Variants in VPS13A observed in about 807,000 individuals in gnomAD.
The protein encoded by VPS13A is intermembrane lipid transfer protein VPS13A.
VPS13A carries 264 observed loss-of-function variants against 390.9 expected under a neutral mutation model. That is an observed-to-expected ratio of 0.68 (90% CI 0.61 to 0.75). The LOEUF is 0.75. Ranked by LOEUF, VPS13A falls within the 30% of genes least tolerant of loss-of-function variation. The probability of loss-of-function intolerance (pLI) is 0.00; values close to 1 mark genes in which losing one functional copy is unlikely to be tolerated. For synonymous variants in VPS13A, 1,231 were observed against 1,227.1 expected, an observed-to-expected ratio of 1.00 and a Z score of -0.07; for missense variants, 3,409 against 3,733.9, an observed-to-expected ratio of 0.91 and a Z score of 2.27.
At chr9:77,414,533 G>A (rs902342376) in intron 71 of VPS13A, among the ~76,000 whole-genome samples, 11 of 151,418 alleles carry the variant, frequency 7.3e-5, no homozygotes, top group Admixed American at 2.0e-4. Context: ...GGTGGGAATT[G>A]AACAATGAGA....
At chr9:77,258,623 G>T (rs552537420) in intron 22 of VPS13A, among the ~76,000 whole-genome samples, 1 of 151,742 alleles carries the variant, frequency 6.6e-6, no homozygotes, top group East Asian at 1.9e-4. Flanking sequence ...GCATTCCCTT[G>T]TTTTTTTTCA....
At chr9:77,248,598 C>G (rs1358783520) in intron 20 of VPS13A, among the ~76,000 whole-genome samples, 1 of 151,922 alleles carries the variant, frequency 6.6e-6, no homozygotes, top group Non-Finnish European at 1.5e-5. Context: ...TAGATCTGTG[C>G]TCTTCACTAT....
At chr9:77,336,528 A>AT (rs1187702689) in intron 46 of VPS13A, among the ~76,000 whole-genome samples, 1 of 151,752 alleles carries the variant, frequency 6.6e-6, no homozygotes, top group African/African-American at 2.4e-5. Flanking sequence ...TTCAATAGTA[A>AT]TTTTTTTTAG....
intron 19 of VPS13A, 106 bp from the exon 20 acceptor site, chr9:77,247,153 A>T (rs1440755109): frequency 1.0e-6 from 1 of 993,948 alleles, no homozygotes; most frequent in African/African-American, 1.7e-5. Context: ...TAAAATTAAT[A>T]CTAATTTTAC....
rs1325876437 is a variant in VPS13A at position 77,416,469 on chromosome 9, A to G, written c.*463A>G. ...AATCAAACATTGCCTCAGTGGTATC[A>G]AGAGAACTTTGGTGGTGGTTTCTTC... On this transcript the variant is annotated 3_prime_UTR_variant, in exon 72 of 72. Coordinates refer to ENST00000360280, the MANE Select transcript of VPS13A (RefSeq NM_033305.3). 3.8e-5 allele frequency: 6 copies of G among 159,236 alleles called. No individual in the cohort carries two copies. Among genetic ancestry groups the G allele is most frequent in the Non-Finnish European group, 6.9e-5 (5 of 72,196 alleles). The allele number at this position is 159,236 out of a possible 1,614,324, so 9.9% of individuals were successfully genotyped here.
intron 19 of VPS13A, among the ~76,000 whole-genome samples, chr9:77,240,863 T>C (rs774280707): frequency 1.8e-4 from 27 of 152,218 alleles, no homozygotes; most frequent in Admixed American, 3.3e-4. Flanking sequence ...ATTCTGTCTT[T>C]AGGTTTTCAT....
chr9:77,336,331 A>G (rs1830535004), intron 46 of VPS13A, among the ~76,000 whole-genome samples: 2 of 152,192 alleles, frequency 1.3e-5, no homozygotes, highest in African/African-American at 4.8e-5. Flanking sequence ...CTGCATATGT[A>G]TCCCAGAACC....
At chr9:77,336,142 G>T (rs1362201011) in intron 46 of VPS13A, among the ~76,000 whole-genome samples, 1 of 152,130 alleles carries the variant, frequency 6.6e-6, no homozygotes, top group Admixed American at 6.5e-5. Flanking sequence ...TCATAAGTGG[G>T]AGTTGAACAA....
chr9:77,268,559 T>C (rs1027794056), intron 23 of VPS13A, among the ~76,000 whole-genome samples: 2 of 152,144 alleles, frequency 1.3e-5, no homozygotes, highest in Non-Finnish European at 2.9e-5. Context: ...TGCATTGATA[T>C]TGCCTGGAGC....
intron 1 of VPS13A, among the ~76,000 whole-genome samples, chr9:77,194,637 T>C (rs975762739): frequency 1.3e-5 from 2 of 152,164 alleles, no homozygotes; most frequent in Non-Finnish European, 2.9e-5. Context: ...GCTAGGATTC[T>C]AGAGGTCCAT....
At chr9:77,327,269 C>G (rs1431973568) in intron 45 of VPS13A, among the ~76,000 whole-genome samples, 2 of 152,082 alleles carry the variant, frequency 1.3e-5, no homozygotes, top group Non-Finnish European at 2.9e-5. Context: ...AACAGATATC[C>G]CTTCTCTTTC....
At chr9:77,323,043 T>G in intron 44 of VPS13A, 24 bp from the exon 45 acceptor site, 1 of 1,570,626 alleles carries the variant, frequency 6.4e-7, no homozygotes. Context: ...AATAAAAACT[T>G]TTAAACATAC....
rs1457302733 is a variant in VPS13A, at chr9:77,405,983, C to T, written c.9395C>T (p.Ala3132Val). The T allele has an allele frequency of 1.9e-6, 3 of 1,613,554 alleles. No homozygotes were observed. The highest frequency in any genetic ancestry group is 2.2e-5 in the South Asian group (2 of 91,076). The part of the protein sequence containing the change: ...IVHGRRLRIE[A>V]KERVKSVFHA... ...CATGGGAGAAGATTGCGCATTGAAGCAAAGGTATGTTGAATAGATTTATTT... is the reference window on the plus strand; with the variant it reads ...CATGGGAGAAGATTGCGCATTGAAGTAAAGGTATGTTGAATAGATTTATTT... The change falls in exon 70 of 72, where the codon GCA becomes GTA. Residue 3132 changes from alanine (A) to valine (V), a missense_variant. Physicochemically the swap from Ala to Val is moderately conservative, Grantham distance 64. Coordinates refer to ENST00000360280, the MANE Select transcript of VPS13A (RefSeq NM_033305.3).
intron 61 of VPS13A, among the ~76,000 whole-genome samples, chr9:77,367,493 A>G (rs1832497865): frequency 6.6e-6 from 1 of 152,222 alleles, no homozygotes; most frequent in African/African-American, 2.4e-5. Context: ...AGTGTCAAAT[A>G]AAAGTACACA....
Position 77,356,712 on chromosome 9 carries a change from A to G in VPS13A, c.7653-2A>G, listed in dbSNP as rs779075858. The G allele has an allele frequency of 6.2e-7, 1 of 1,607,712 alleles. No individual in the cohort carries two copies. Among genetic ancestry groups the G allele is most frequent in the African/African-American group, 1.3e-5 (1 of 74,630 alleles). Reference sequence around the variant, plus strand: ...ACTATGATTTTTGCTTTCTTAAATAAGTTCTGATGTGGTTTGGGAAACAAA... The same window carrying G: ...ACTATGATTTTTGCTTTCTTAAATAGGTTCTGATGTGGTTTGGGAAACAAA... On this transcript the variant is annotated splice_acceptor_variant, in intron 54 of 71. Transcript: ENST00000360280. LOFTEE classifies it high-confidence loss of function.
At chr9:77,210,092 G>A (rs1376865469) in intron 6 of VPS13A, among the ~76,000 whole-genome samples, 2 of 151,672 alleles carry the variant, frequency 1.3e-5, no homozygotes, top group African/African-American at 4.8e-5. Flanking sequence ...GTAATAAAAT[G>A]TTTCTGAATG....
intron 47 of VPS13A, chr9:77,339,199 G>T: frequency 3.6e-6 from 1 of 279,832 alleles, no homozygotes; most frequent in Non-Finnish European, 6.7e-6. Context: ...TTTTGTCGTT[G>T]TTTTACCAAT....
chr9:77,219,325 C>A (rs900699261), intron 10 of VPS13A, among the ~76,000 whole-genome samples: 2 of 152,058 alleles, frequency 1.3e-5, no homozygotes, highest in Non-Finnish European at 2.9e-5. Context: ...TCTTTATATA[C>A]AGATTAGCTT....
In VPS13A at chr9:77,366,471, ATTTTC is replaced by A. The variant is rs541865467; in HGVS notation, c.8326-253_8326-249del. Among the ~76,000 whole-genome samples, 217 of 152,126 alleles carry A rather than the reference ATTTTC, an allele frequency of 1.4e-3. 1 individual carries two copies. The highest frequency in any genetic ancestry group is 5.1e-3 in the African/African-American group (210 of 41,562). ...TATTAACAAATATATAAAAATTAAT[ATTTTC>A]TTAGGTTTGCCAAAAGAATGGGATA... is the stretch of plus-strand genomic sequence containing the variant. On this transcript the variant is annotated intron_variant, in intron 60 of 71. Coordinates refer to ENST00000360280, the MANE Select transcript of VPS13A (RefSeq NM_033305.3).
Sources: gnomAD v4.1 joint callset for allele counts (sites outside exome capture counted in the v4.1 genomes callset) on GRCh38, gnomAD v4.1.1 for gene constraint, MANE v1.5 for transcripts, NCBI Gene and HGNC (gene_info 2026-07-23, HGNC 2026-07-21) for gene names.